The following PRKAR1B variants were observed in gnomAD, a reference collection of about 807,000 sequenced individuals.
PRKAR1B encodes protein kinase cAMP-dependent type I regulatory subunit beta, also known as cAMP-dependent protein kinase type I-beta regulatory subunit.
A neutral mutation model predicts 46.5 loss-of-function variants in PRKAR1B; 22 were observed. The ratio of observed to expected loss-of-function variants is 0.47; its 90% CI spans 0.34 to 0.68. PRKAR1B has a LOEUF of 0.68. PRKAR1B is among the 30% of genes least tolerant of loss of function. PRKAR1B has a pLI of 0.01. For missense variants in PRKAR1B, 445 were observed against 535.6 expected (o/e 0.83, Z 1.67); for synonymous variants, 259 against 217.7 (o/e 1.19, Z -1.67).
chr7:640,461 G>A (rs1390968743), intron 4 of PRKAR1B, among the ~76,000 whole-genome samples: 2 of 152,100 alleles, frequency 1.3e-5, no homozygotes, highest in African/African-American at 4.8e-5. Context: ...TTCAGGAAAT[G>A]TGAATCAAAA....
intron 4 of PRKAR1B, among the ~76,000 whole-genome samples, chr7:639,931 A>G (rs186562979): frequency 0.017 from 2,644 of 151,976 alleles, 73 homozygotes; most frequent in African/African-American, 0.06. Context: ...TTGGGAGGTC[A>G]AGGTGGGCGG....
chr7:649,327 A>G (rs1784778183), intron 4 of PRKAR1B, among the ~76,000 whole-genome samples: 1 of 152,182 alleles, frequency 6.6e-6, no homozygotes, highest in Admixed American at 6.5e-5. Context: ...TGATCTCCCT[A>G]TCATGCTTCC....
At chr7:691,305 C>G (rs954676183) in intron 2 of PRKAR1B, among the ~76,000 whole-genome samples, 2 of 152,240 alleles carry the variant, frequency 1.3e-5, no homozygotes, top group African/African-American at 4.8e-5. Flanking sequence ...GTGAAATGAG[C>G]CTGCAGGTGA....
intron 1 of PRKAR1B, among the ~76,000 whole-genome samples, chr7:725,041 C>T (rs1281958750): frequency 2.6e-5 from 4 of 152,092 alleles, no homozygotes; most frequent in African/African-American, 9.7e-5. Context: ...AGTGAAACCC[C>T]GTCTCTACTA....
intron 4 of PRKAR1B, among the ~76,000 whole-genome samples, chr7:650,086 G>C (rs1486691368): frequency 6.6e-6 from 1 of 151,276 alleles, no homozygotes; most frequent in East Asian, 1.9e-4. Context: ...CTAGAGCTCT[G>C]GGATTACAGG....
At chr7:588,021 C>T (rs1309980867) in intron 7 of PRKAR1B, among the ~76,000 whole-genome samples, 1 of 152,220 alleles carries the variant, frequency 6.6e-6, no homozygotes, top group Non-Finnish European at 1.5e-5. Context: ...GCCCTGGTGG[C>T]CAGGCTGACC....
At chr7:692,367 T>C (rs1201660742) in intron 2 of PRKAR1B, among the ~76,000 whole-genome samples, 1 of 151,760 alleles carries the variant, frequency 6.6e-6, no homozygotes, top group Non-Finnish European at 1.5e-5. Flanking sequence ...GCCATGGCAC[T>C]CCAGCCTGGG....
At chr7:662,001 T>A (rs1196902583) in intron 4 of PRKAR1B, among the ~76,000 whole-genome samples, 8 of 42,796 alleles carry the variant, frequency 1.9e-4, no homozygotes, top group Admixed American at 2.8e-4. Flanking sequence ...CTCCCCCACA[T>A]GGCACAGGTC....
chr7:585,547 A>G (rs1035085389), intron 7 of PRKAR1B, among the ~76,000 whole-genome samples: 1 of 152,054 alleles, frequency 6.6e-6, no homozygotes, highest in African/African-American at 2.4e-5. Flanking sequence ...GAGAGACGAC[A>G]TGCTAGTGAT....
intron 2 of PRKAR1B, among the ~76,000 whole-genome samples, chr7:693,496 T>C (rs967471878): frequency 6.6e-6 from 1 of 152,048 alleles, no homozygotes; most frequent in Non-Finnish European, 1.5e-5. Context: ...GAAGCGGAAT[T>C]GCGCAGCATT....
intron 4 of PRKAR1B, among the ~76,000 whole-genome samples, chr7:669,511 C>T (rs953198376): frequency 6.6e-6 from 1 of 152,082 alleles, no homozygotes; most frequent in Non-Finnish European, 1.5e-5. Context: ...CACCTGTAAT[C>T]CCAGCACTTT....
At chr7:621,941 T>A (rs770302312) in intron 4 of PRKAR1B, among the ~76,000 whole-genome samples, 2 of 152,244 alleles carry the variant, frequency 1.3e-5, no homozygotes, top group African/African-American at 2.4e-5. Context: ...GCTCCCCCAG[T>A]GCTGCTAGAA....
chr7:578,345 G>A (rs775784220), intron 9 of PRKAR1B, among the ~76,000 whole-genome samples: 7 of 152,224 alleles, frequency 4.6e-5, no homozygotes, highest in African/African-American at 1.7e-4. Flanking sequence ...GGAGCTCCAC[G>A]GAGCCACCTG....
chr7:622,382 T>C (rs1256662771), intron 4 of PRKAR1B, among the ~76,000 whole-genome samples: 1 of 152,206 alleles, frequency 6.6e-6, no homozygotes. Flanking sequence ...CATTTCTGTA[T>C]GTTAGAAATG....
intron 4 of PRKAR1B, among the ~76,000 whole-genome samples, chr7:627,547 A>G (rs1488130983): frequency 6.6e-6 from 1 of 152,104 alleles, no homozygotes; most frequent in African/African-American, 2.4e-5. Flanking sequence ...GGCACTCTAC[A>G]CGGCTGACCC....
intron 4 of PRKAR1B, among the ~76,000 whole-genome samples, chr7:615,072 G>A (rs1165234684): frequency 6.6e-6 from 1 of 151,744 alleles, no homozygotes; most frequent in Non-Finnish European, 1.5e-5. Flanking sequence ...GCAAGACCCT[G>A]TCTCTAAAAA....
Position 632,466 on chromosome 7 carries a change from C to A in PRKAR1B, c.441-25014G>T, listed in dbSNP as rs1379765968. Among the ~76,000 whole-genome samples the A allele has an allele frequency of 2.0e-5, 3 of 152,216 alleles. No individual in the cohort carries two copies. In the South Asian group the frequency reaches 6.2e-4, roughly 31 times the overall value. On this transcript the variant is annotated intron_variant, in intron 4 of 10. Coordinates refer to ENST00000537384, the MANE Select transcript of PRKAR1B (RefSeq NM_001164760.2). ...TCTTCCCACTGCCCCTGGCTCAGCT[C>A]AGGACGGCCACTGCGTCTGAAGACC...
chr7:677,173 T>C (rs1317453144), intron 4 of PRKAR1B, 56 bp downstream of exon 4: 11 of 1,560,980 alleles, frequency 7.0e-6, no homozygotes, highest in Non-Finnish European at 8.8e-6. Context: ...CCTGCCCACC[T>C]CCCGGAGGCC....
At chr7:616,328 C>T (rs1369657151) in intron 4 of PRKAR1B, among the ~76,000 whole-genome samples, 1 of 152,240 alleles carries the variant, frequency 6.6e-6, no homozygotes, top group African/African-American at 2.4e-5. Flanking sequence ...AGATGGGGGA[C>T]CTTCCTTCCC....
Sources: gnomAD v4.1 joint callset for allele counts (sites outside exome capture counted in the v4.1 genomes callset) on GRCh38, gnomAD v4.1.1 for gene constraint, MANE v1.5 for transcripts, NCBI Gene and HGNC (gene_info 2026-07-23, HGNC 2026-07-21) for gene names.